RNPC3: variants seen among roughly 807,000 people sequenced by gnomAD.
RNPC3 encodes RNA-binding region-containing protein 3.
In RNPC3, 48 loss-of-function variants were observed where a neutral mutation model predicts 67.5. The observed-to-expected ratio is 0.71, with a 90% confidence interval of 0.56 to 0.90. The LOEUF (loss-of-function observed/expected upper bound fraction) is 0.90, where lower values mean the gene tolerates loss of function less well. Ranked by LOEUF, RNPC3 falls within the 40% of genes least tolerant of loss-of-function variation. RNPC3 has a pLI of 0.00. For missense variants in RNPC3, 637 were observed against 626.1 expected (o/e 1.02, Z -0.19); for synonymous variants, 239 against 210.3 (o/e 1.14, Z -1.18).
intron 14 of RNPC3, 179 bp downstream of exon 14, chr1:103,551,971 T>A (rs1384794198): frequency 9.5e-6 from 4 of 421,022 alleles, no homozygotes; most frequent in Non-Finnish European, 1.3e-5. Flanking sequence ...AAAACCCATT[T>A]ATATGTGAAA....
At chr1:103,527,250 A>G (rs1186030338) in intron 1 of RNPC3, among the ~76,000 whole-genome samples, 1 of 152,206 alleles carries the variant, frequency 6.6e-6, no homozygotes, top group Admixed American at 6.5e-5. Context: ...ATTGAACATT[A>G]TTACAAAGAT....
intron 2 of RNPC3, among the ~76,000 whole-genome samples, chr1:103,531,324 CTT>C (rs1358506424): frequency 2.0e-5 from 3 of 152,112 alleles, no homozygotes; most frequent in Non-Finnish European, 2.9e-5. Context: ...GTGCAACTGT[CTT>C]TTTTGTATAA....
Position 103,533,833 on chromosome 1 carries a change from C to A in RNPC3, c.335C>A (p.Thr112Asn). The part of the protein sequence containing the change: ...EQDRVHSPCP[T>N]SGSEKKKRSD... Reference sequence around the variant, plus strand: ...GATCGAGTTCACTCCCCATGTCCCACTTCAGGCTCTGAAAAAAAAAAAAGG... The same window carrying A: ...GATCGAGTTCACTCCCCATGTCCCAATTCAGGCTCTGAAAAAAAAAAAAGG... Residue 112 changes from threonine (T) to asparagine (N), a missense_variant, in exon 3 of 15, where the codon ACT becomes AAT. Around this residue, in one of 3 missense-constraint regions of RNPC3, gnomAD observed 536 missense variants for 500.3 expected, o/e 1.07. Coordinates refer to ENST00000423855, the MANE Select transcript of RNPC3 (RefSeq NM_017619.4). 6.6e-7 allele frequency: 1 copy of A among 1,512,496 alleles called. No individual in the cohort carries two copies. Among genetic ancestry groups the A allele is most frequent in the Non-Finnish European group, 8.9e-7 (1 of 1,127,540 alleles). The allele number at this position is 1,512,496 out of a possible 1,614,324, so 93.7% of individuals were successfully genotyped here. A position where few individuals can be genotyped will look rare whatever the true frequency, so the allele number is the denominator to read the frequency against.
intron 7 of RNPC3, among the ~76,000 whole-genome samples, chr1:103,540,539 A>C (rs1360916215): frequency 6.6e-6 from 1 of 152,174 alleles, no homozygotes; most frequent in South Asian, 2.1e-4. Context: ...AGTTTTTGGT[A>C]AACCATGGTT....
intron 6 of RNPC3, among the ~76,000 whole-genome samples, chr1:103,536,664 T>A: frequency 6.6e-6 from 1 of 152,322 alleles, no homozygotes; most frequent in Non-Finnish European, 1.5e-5. Context: ...TATTTATGAA[T>A]AATAGCAATG....
intron 10 of RNPC3, chr1:103,545,627 G>A (rs1211909140): frequency 6.6e-6 from 1 of 152,418 alleles, no homozygotes; most frequent in Non-Finnish European, 1.5e-5. Context: ...ACGGTAATGG[G>A]AAATAGACTT....
Position 103,541,412 on chromosome 1 carries a change from G to A in RNPC3, c.830G>A (p.Arg277His), listed in dbSNP as rs772573445. 3.4e-5 allele frequency: 51 copies of A among 1,495,968 alleles called. No homozygotes were observed. The African/African-American group carries it at 3.5e-4, about 10-fold the overall frequency. The allele number at this position is 1,495,968 out of a possible 1,614,324, so 92.7% of individuals were successfully genotyped here. ...AAAAGACCTAAAACAATAAAGCAGC[G>A]CCATGTGAGAAAAAAGAGAAAAATA... ...QPKRPKTIKQ[R>H]HVRKKRKIKD... The change falls in exon 8 of 15, where the codon CGC (arginine) becomes CAC (histidine). Residue 277 changes from arginine (R) to histidine (H), a missense_variant. This residue lies in a region of RNPC3 where 536 missense variants were observed against 500.3 expected (regional missense o/e 1.07). Coordinates refer to ENST00000423855, the MANE Select transcript of RNPC3 (RefSeq NM_017619.4).
At position 103,544,990 on chromosome 1, in the gene RNPC3, C is replaced by A. The variant is rs1331763075; in HGVS notation, c.1095C>A (p.Ile365=). The A allele has an allele frequency of 2.0e-6, 3 of 1,533,002 alleles. No individual in the cohort carries two copies. The highest frequency in any genetic ancestry group is 3.9e-5 in the Admixed American group (2 of 50,824). 95.0% of individuals were successfully genotyped at this position (1,533,002 alleles called of 1,614,324 possible). A position where few individuals can be genotyped will look rare whatever the true frequency, so the allele number is the denominator to read the frequency against. ...VDASNIGFGK[I]FPKPNLDITE... ...CATCCAATATAGGATTTGGAAAAAT[C>A]TTCCCCAAACCTAATTTGGACATCA... Residue 365 remains isoleucine (I), a synonymous_variant, in exon 10 of 15, where the codon ATC becomes ATA. Coordinates refer to ENST00000423855, the MANE Select transcript of RNPC3 (RefSeq NM_017619.4).
chr1:103,526,081 C>T lies in RNPC3; in HGVS notation c.11C>T (p.Pro4Leu). 6.5e-7 allele frequency: 1 copy of T among 1,534,916 alleles called. No homozygotes were observed. Among genetic ancestry groups the T allele is most frequent in the Non-Finnish European group, 8.8e-7 (1 of 1,137,010 alleles). The part of the protein sequence containing the change: MAA[P>L]EQPLAISRGC... Reference sequence around the variant, plus strand: ...GCTTCTCCAAGGAAAATGGCAGCTCCCGAGCAGCCGCTTGCGATATCAAGG... The same window carrying T: ...GCTTCTCCAAGGAAAATGGCAGCTCTCGAGCAGCCGCTTGCGATATCAAGG... The change falls in exon 1 of 15, where the codon CCC becomes CTC. Residue 4 changes from proline to leucine, a missense_variant. Pro to Leu is a moderately conservative substitution (Grantham distance 98). This residue lies in a region of RNPC3 where 536 missense variants were observed against 500.3 expected (regional missense o/e 1.07). Coordinates refer to ENST00000423855, the MANE Select transcript of RNPC3 (RefSeq NM_017619.4).
chr1:103,530,619 G>A (rs989502777), intron 2 of RNPC3, among the ~76,000 whole-genome samples: 1 of 152,160 alleles, frequency 6.6e-6, no homozygotes, highest in African/African-American at 2.4e-5. Context: ...TTAGATTGCT[G>A]TCAGTAAAAT....
At chr1:103,548,921 G>A (rs939542481) in intron 12 of RNPC3, among the ~76,000 whole-genome samples, 4 of 152,150 alleles carry the variant, frequency 2.6e-5, no homozygotes, top group African/African-American at 7.2e-5. Context: ...CATTTTATAT[G>A]GCTGGCAGCA....
chr1:103,525,802 A>C lies in RNPC3; in HGVS notation c.-269A>C. 1 of 377,728 alleles carries C rather than the reference A, an allele frequency of 2.6e-6. No individual in the cohort carries two copies. The highest frequency in any genetic ancestry group is 4.3e-5 in the South Asian group (1 of 23,406). 23.4% of individuals were successfully genotyped at this position (377,728 alleles called of 1,614,324 possible). On this transcript the variant is annotated 5_prime_UTR_variant, in exon 1 of 15. Coordinates refer to ENST00000423855, the MANE Select transcript of RNPC3 (RefSeq NM_017619.4). ...TGACAACTTGTGTTAACCCTCGCAC[A>C]TCTCTGGGCCAATTTTTGCTTGTAA...
chr1:103,541,980 CAGGACTAACCCG>C (rs1337285998), intron 8 of RNPC3, among the ~76,000 whole-genome samples: 1 of 151,974 alleles, frequency 6.6e-6, no homozygotes, highest in Non-Finnish European at 1.5e-5. Context: ...ACTTGGCACA[CAGGACTAACCCG>C]AGTGCCTTTA....
chr1:103,530,869 G>A, intron 2 of RNPC3, among the ~76,000 whole-genome samples: 1 of 152,092 alleles, frequency 6.6e-6, no homozygotes, highest in Non-Finnish European at 1.5e-5. Flanking sequence ...AGTAGGTTTT[G>A]GGGGAACAGG....
intron 12 of RNPC3, among the ~76,000 whole-genome samples, chr1:103,550,257 A>G (rs1259494268): frequency 2.0e-5 from 3 of 152,078 alleles, no homozygotes; most frequent in Non-Finnish European, 4.4e-5. Flanking sequence ...ATTCTTGGTT[A>G]TGTAGTAGTA....
At chr1:103,540,951 C>T (rs974712314) in intron 7 of RNPC3, among the ~76,000 whole-genome samples, 3 of 151,804 alleles carry the variant, frequency 2.0e-5, no homozygotes, top group Admixed American at 6.6e-5. Context: ...GTCCAGGCTC[C>T]GTTTAATAAT....
At chr1:103,552,009 G>T in intron 14 of RNPC3, 1 of 358,418 alleles carries the variant, frequency 2.8e-6, no homozygotes, top group Non-Finnish European at 5.0e-6. Context: ...AATCTTATAA[G>T]GGGAGTGTGC....
intron 7 of RNPC3, 82 bp from the exon 8 acceptor site, chr1:103,541,268 A>C (rs1651119273): frequency 1.9e-6 from 2 of 1,029,504 alleles, no homozygotes; most frequent in Non-Finnish European, 2.7e-6. Flanking sequence ...CCAAAATACA[A>C]ATTTAACGTT....
intron 8 of RNPC3, among the ~76,000 whole-genome samples, chr1:103,542,960 G>A (rs1415917901): frequency 6.6e-6 from 1 of 151,704 alleles, no homozygotes; most frequent in East Asian, 1.9e-4. Context: ...ATCAAACATA[G>A]AATGCACTGT....
Sources: allele counts gnomAD v4.1 joint callset (sites outside exome capture counted in the v4.1 genomes callset), GRCh38; gene constraint gnomAD v4.1.1; regional missense constraint gnomAD v4.1.1; transcripts MANE v1.5; gene names NCBI Gene and HGNC (gene_info 2026-07-23, HGNC 2026-07-21).